Variants in AFG1L observed in about 807,000 individuals in gnomAD.
The protein encoded by AFG1L is AFG1 like ATPase, also known as AFG1-like ATPase.
In AFG1L, 53 loss-of-function variants were observed where a neutral mutation model predicts 62.2. The ratio of observed to expected loss-of-function variants is 0.85; its 90% confidence interval spans 0.68 to 1.07. AFG1L has a LOEUF of 1.07. Among genes scored for constraint, AFG1L ranks in the 50% least tolerant of loss-of-function variants. The pLI is 0.00. For missense variants in AFG1L, 555 were observed against 590.5 expected (o/e 0.94, Z 0.62); for synonymous variants, 228 against 210.3 (o/e 1.08, Z -0.73).
chr6:108,506,099 C>T (rs1036726633), intron 10 of AFG1L, among the ~76,000 whole-genome samples: 12 of 152,150 alleles, frequency 7.9e-5, no homozygotes, highest in Non-Finnish European at 1.6e-4. Flanking sequence ...CCTCTGTATC[C>T]ATGGGTAATT....
chr6:108,372,043 C>G (rs1324471026), intron 6 of AFG1L, among the ~76,000 whole-genome samples: 8 of 151,936 alleles, frequency 5.3e-5, no homozygotes, highest in African/African-American at 1.9e-4. Context: ...TAAGCATGAG[C>G]CATCACGCCC....
At chr6:108,394,348 C>G (rs966546304) in intron 6 of AFG1L, among the ~76,000 whole-genome samples, 9 of 152,036 alleles carry the variant, frequency 5.9e-5, no homozygotes, top group Admixed American at 1.3e-4. Flanking sequence ...GGGGTTTCAC[C>G]ATGTTGGTCA....
intron 1 of AFG1L, among the ~76,000 whole-genome samples, chr6:108,314,484 C>T (rs1452313843): frequency 1.3e-5 from 2 of 151,664 alleles, no homozygotes; most frequent in Non-Finnish European, 2.9e-5. Context: ...GCAACCTCCA[C>T]CTCCCAGGTT....
Position 108,522,411 on chromosome 6 carries a change from A to G in AFG1L, c.1432A>G (p.Arg478Gly). ...TGAACAGTACTGGAATGAAGGAGAC[A>G]GAACCAAGAAGTAACTGCCACTTTT... Reference protein sequence around the residue: ...QTEQYWNEGDRTKK With the variant: ...QTEQYWNEGDGTKK Residue 478 changes from arginine (R) to glycine (G), a missense_variant, in exon 13 of 13, where the codon AGA becomes GGA. Arg to Gly is a moderately radical substitution (Grantham distance 125, BLOSUM62 -2). Transcript: ENST00000368977. The G allele has an allele frequency of 2.5e-6, 4 of 1,608,496 alleles. No homozygotes were observed. Among genetic ancestry groups the G allele is most frequent in the Non-Finnish European group, 3.4e-6 (4 of 1,175,760 alleles).
intron 2 of AFG1L, among the ~76,000 whole-genome samples, chr6:108,330,819 A>C (rs1044511798): frequency 1.4e-4 from 21 of 152,230 alleles, no homozygotes; most frequent in African/African-American, 5.1e-4. Flanking sequence ...TCATTTTATC[A>C]TTAAATTCAG....
At chr6:108,484,360 A>G (rs1159029546) in intron 10 of AFG1L, among the ~76,000 whole-genome samples, 1 of 152,224 alleles carries the variant, frequency 6.6e-6, no homozygotes, top group Non-Finnish European at 1.5e-5. Flanking sequence ...AAAGAGCTTA[A>G]TAGAGAATGG....
intron 3 of AFG1L, among the ~76,000 whole-genome samples, chr6:108,354,720 G>T (rs1332444400): frequency 3.9e-5 from 6 of 152,106 alleles, no homozygotes; most frequent in African/African-American, 1.4e-4. Context: ...ATGGAACGGG[G>T]TGACATGAGG....
At chr6:108,440,711 T>C (rs1771508301) in intron 7 of AFG1L, among the ~76,000 whole-genome samples, 2 of 151,624 alleles carry the variant, frequency 1.3e-5, no homozygotes, top group South Asian at 2.1e-4. Flanking sequence ...TCCCAGCTAC[T>C]TGGGAGGCTG....
chr6:108,300,742 G>A (rs117124728), intron 1 of AFG1L, among the ~76,000 whole-genome samples: 8,836 of 150,740 alleles, frequency 0.059, 408 homozygotes, highest in South Asian at 0.2. Context: ...GAGCGATGTC[G>A]GCTCACTGCA....
chr6:108,407,139 G>T (rs1781893422), intron 7 of AFG1L, among the ~76,000 whole-genome samples: 1 of 152,176 alleles, frequency 6.6e-6, no homozygotes, highest in African/African-American at 2.4e-5. Flanking sequence ...CCTCATGACA[G>T]CCTTATGAGG....
intron 10 of AFG1L, among the ~76,000 whole-genome samples, chr6:108,509,446 T>C (rs1427448870): frequency 6.6e-6 from 1 of 152,248 alleles, no homozygotes; most frequent in Non-Finnish European, 1.5e-5. Context: ...TGAAGCACAG[T>C]CTTTATTTCA....
chr6:108,362,880 G>A (rs1209803001), intron 5 of AFG1L, among the ~76,000 whole-genome samples: 1 of 152,160 alleles, frequency 6.6e-6, no homozygotes, highest in African/African-American at 2.4e-5. Context: ...AGCCTATTAA[G>A]CCTAGTACAA....
intron 10 of AFG1L, among the ~76,000 whole-genome samples, chr6:108,509,881 G>A (rs1331535617): frequency 1.3e-5 from 2 of 152,204 alleles, no homozygotes; most frequent in Admixed American, 1.3e-4. Context: ...TTGGAGCTCA[G>A]TTAGGATTTA....
At chr6:108,500,926 C>T (rs924000586) in intron 10 of AFG1L, among the ~76,000 whole-genome samples, 1 of 151,940 alleles carries the variant, frequency 6.6e-6, no homozygotes, top group African/African-American at 2.4e-5. Flanking sequence ...GCATTTTTTC[C>T]TATCTTTGTT....
At chr6:108,510,803 G>A (rs1411563248) in intron 11 of AFG1L, among the ~76,000 whole-genome samples, 1 of 152,210 alleles carries the variant, frequency 6.6e-6, no homozygotes, top group African/African-American at 2.4e-5. Context: ...GAGCAAGCCA[G>A]GTGTGATGGC....
chr6:108,341,408 A>G (rs1473535941), intron 2 of AFG1L, among the ~76,000 whole-genome samples: 2 of 152,078 alleles, frequency 1.3e-5, no homozygotes, highest in Non-Finnish European at 2.9e-5. Flanking sequence ...TTCTTTTTTC[A>G]CGAATTACAG....
chr6:108,348,834 C>G (rs1011248122), intron 3 of AFG1L, among the ~76,000 whole-genome samples: 1 of 152,186 alleles, frequency 6.6e-6, no homozygotes, highest in African/African-American at 2.4e-5. Context: ...CTTTGTTCCT[C>G]CTGTTACCTT....
Position 108,311,286 on chromosome 6 carries a change from C to T in AFG1L, c.140-12539C>T, listed in dbSNP as rs184668902. ...TTCAGGCTAGTACATCTCCCTCCTT[C>T]CTTCCCTCCCTTTCCATGGCACACT... is the stretch of plus-strand genomic sequence containing the variant. On this transcript the variant is annotated intron_variant, in intron 1 of 12. Coordinates refer to ENST00000368977, the MANE Select transcript of AFG1L (RefSeq NM_145315.5). 1.3e-3 allele frequency among the ~76,000 whole-genome samples: 194 copies of T among 152,226 alleles called. 1 individual carries two copies. Among genetic ancestry groups the T allele is most frequent in the African/African-American group, 4.4e-3 (183 of 41,544 alleles).
At chr6:108,401,346 G>A (rs1320180903) in intron 6 of AFG1L, among the ~76,000 whole-genome samples, 2 of 151,662 alleles carry the variant, frequency 1.3e-5, no homozygotes, top group African/African-American at 4.8e-5. Context: ...GTTTCACCTT[G>A]TTAGCCAGGA....
Sources: allele counts gnomAD v4.1 joint callset (sites outside exome capture counted in the v4.1 genomes callset), GRCh38; gene constraint gnomAD v4.1.1; transcripts MANE v1.5; gene names NCBI Gene and HGNC (gene_info 2026-07-23, HGNC 2026-07-21).